The following RBFOX3 variants were observed in gnomAD, a reference collection of about 807,000 sequenced individuals.
RBFOX3 encodes RNA binding protein fox-1 homolog 3.
RBFOX3 carries 17 observed loss-of-function variants against 48.7 expected under a neutral mutation model. That is an observed-to-expected ratio of 0.35 (90% CI 0.24 to 0.52). The LOEUF (loss-of-function observed/expected upper bound fraction) is 0.52. RBFOX3 is among the 20% of genes least tolerant of loss of function. RBFOX3 has a pLI of 0.94. For missense variants in RBFOX3, 382 were observed against 497.5 expected (o/e 0.77, Z 2.21); for synonymous variants, 212 against 209.5 (o/e 1.01, Z -0.10).
At chr17:79,455,080 A>G (rs1434860100) in intron 2 of RBFOX3, among the ~76,000 whole-genome samples, 1 of 151,702 alleles carries the variant, frequency 6.6e-6, no homozygotes. Context: ...ATGTGCACAC[A>G]GGCTGGACAG....
chr17:79,224,753 T>C (rs2060120161), intron 4 of RBFOX3, among the ~76,000 whole-genome samples: 1 of 152,224 alleles, frequency 6.6e-6, no homozygotes, highest in African/African-American at 2.4e-5. Flanking sequence ...TGTCATCTGG[T>C]CACTCTAATT....
Position 79,339,831 on chromosome 17 carries a change from G to T in RBFOX3, c.-174-32007C>A, listed in dbSNP as rs144967000. ...ATTTTTTTTGGCATAAAACAGGACT[G>T]GATTGAACAGGTGTGCAGTTCCTTT... On this transcript the variant is annotated intron_variant, in intron 2 of 14. Transcript: ENST00000693108. 2.6e-5 allele frequency among the ~76,000 whole-genome samples: 4 copies of T among 152,306 alleles called. No homozygotes were observed. The East Asian group carries it at 7.7e-4, about 29-fold the overall frequency.
intron 3 of RBFOX3, among the ~76,000 whole-genome samples, chr17:79,301,361 C>T (rs763290985): frequency 9.2e-5 from 14 of 152,234 alleles, no homozygotes; most frequent in Non-Finnish European, 1.5e-4. Flanking sequence ...CAAAGTCTCC[C>T]AGGGTGATGC....
At chr17:79,163,812 C>T (rs921846841) in intron 4 of RBFOX3, among the ~76,000 whole-genome samples, 2 of 152,230 alleles carry the variant, frequency 1.3e-5, no homozygotes, top group Non-Finnish European at 2.9e-5. Flanking sequence ...TTGAGCTCCT[C>T]CTTGCCCAGG....
At chr17:79,113,972 G>A (rs769206536) in intron 5 of RBFOX3, among the ~76,000 whole-genome samples, 15 of 152,142 alleles carry the variant, frequency 9.9e-5, no homozygotes, top group East Asian at 1.9e-4. Context: ...TGCTAGGTCC[G>A]TCCCCAAGCT....
At chr17:79,566,406 G>A (rs1255514489) in intron 1 of RBFOX3, among the ~76,000 whole-genome samples, 2 of 152,186 alleles carry the variant, frequency 1.3e-5, no homozygotes, top group Non-Finnish European at 2.9e-5. Flanking sequence ...TGCAGCTCCA[G>A]GGGGACTCTC....
intron 2 of RBFOX3, among the ~76,000 whole-genome samples, chr17:79,430,882 C>A (rs1182249317): frequency 6.6e-6 from 1 of 152,194 alleles, no homozygotes; most frequent in Non-Finnish European, 1.5e-5. Context: ...TGCCAAAAGA[C>A]TGTCATAAGA....
At chr17:79,411,756 G>A (rs1157987903) in intron 2 of RBFOX3, among the ~76,000 whole-genome samples, 1 of 152,226 alleles carries the variant, frequency 6.6e-6, no homozygotes, top group Non-Finnish European at 1.5e-5. Flanking sequence ...CACCCGTGTT[G>A]GACAAGCCAG....
At chr17:79,389,806 G>C (rs1384809222) in intron 2 of RBFOX3, among the ~76,000 whole-genome samples, 2 of 152,220 alleles carry the variant, frequency 1.3e-5, no homozygotes, top group African/African-American at 4.8e-5. Flanking sequence ...AGGCACAAAA[G>C]ACAACAGTTT....
At chr17:79,402,852 G>A (rs1455919294) in intron 2 of RBFOX3, among the ~76,000 whole-genome samples, 3 of 152,140 alleles carry the variant, frequency 2.0e-5, no homozygotes, top group African/African-American at 7.2e-5. Flanking sequence ...TCTACTATGG[G>A]GGTGTGAGCA....
intron 4 of RBFOX3, among the ~76,000 whole-genome samples, chr17:79,156,701 T>C (rs945214487): frequency 6.6e-6 from 1 of 152,062 alleles, no homozygotes; most frequent in Non-Finnish European, 1.5e-5. Flanking sequence ...CACTGAGGAG[T>C]TGCAGCAGAG....
At chr17:79,624,107 G>A in the RBFOX3 span, among the ~76,000 whole-genome samples, 17 of 152,222 alleles carry the variant, frequency 1.1e-4, no homozygotes, top group Non-Finnish European at 2.1e-4. Context: ...AGAACGGCAA[G>A]ATAATGAACT....
chr17:79,483,305 C>A (rs1231880202), intron 1 of RBFOX3, among the ~76,000 whole-genome samples: 2 of 151,740 alleles, frequency 1.3e-5, no homozygotes, highest in Non-Finnish European at 2.9e-5. Context: ...TCCTAGTATA[C>A]TCCCTCTCTC....
the RBFOX3 span, among the ~76,000 whole-genome samples, chr17:79,644,278 G>C: frequency 1.1e-5 from 1 of 88,398 alleles, no homozygotes; most frequent in South Asian, 4.2e-4. Context: ...AATTCTACTG[G>C]AACTTTTGCA....
intron 2 of RBFOX3, among the ~76,000 whole-genome samples, chr17:79,356,675 G>T (rs200396432): frequency 3.4e-5 from 5 of 146,442 alleles, no homozygotes; most frequent in African/African-American, 1.0e-4. Flanking sequence ...AGCCAGTTTT[G>T]ATTTTTTTTT....
chr17:79,595,868 T>C (rs1004105045), intron 1 of RBFOX3, among the ~76,000 whole-genome samples: 1 of 152,234 alleles, frequency 6.6e-6, no homozygotes, highest in Non-Finnish European at 1.5e-5. Flanking sequence ...ATAATATTGA[T>C]TCATCTGCCA....
chr17:79,235,999 C>T (rs1030835433), intron 3 of RBFOX3, among the ~76,000 whole-genome samples, 194 bp from the exon 4 acceptor site: 4 of 152,230 alleles, frequency 2.6e-5, no homozygotes, highest in African/African-American at 7.2e-5. Flanking sequence ...GGCTGGGAGG[C>T]GGCGGTTAGA....
chr17:79,279,191 T>C (rs1444544772), intron 3 of RBFOX3, among the ~76,000 whole-genome samples: 4 of 151,336 alleles, frequency 2.6e-5, no homozygotes, highest in Non-Finnish European at 4.4e-5. Context: ...GTTCACGGGG[T>C]CTTAAGAACA....
intron 4 of RBFOX3, among the ~76,000 whole-genome samples, chr17:79,134,504 T>C (rs1316454829): frequency 6.6e-6 from 1 of 152,226 alleles, no homozygotes; most frequent in Non-Finnish European, 1.5e-5. Context: ...TCTGCAGCCT[T>C]GCAGCTGGGA....
Sources: allele counts gnomAD v4.1 joint callset (sites outside exome capture counted in the v4.1 genomes callset), GRCh38; gene constraint gnomAD v4.1.1; transcripts MANE v1.5; gene names NCBI Gene and HGNC (gene_info 2026-07-23, HGNC 2026-07-21).